The following PARG variants were observed in gnomAD, a reference collection of about 807,000 sequenced individuals.
PARG encodes poly(ADP-ribose) glycohydrolase.
Under a neutral mutation model 113.0 loss-of-function variants are expected in PARG, and 35 were observed. The observed-to-expected ratio is 0.31, with a 90% CI of 0.24 to 0.41. The LOEUF (loss-of-function observed/expected upper bound fraction) is 0.41. Among genes scored for constraint, PARG ranks in the 10% least tolerant of loss-of-function variants. The pLI, the probability that PARG is intolerant of heterozygous loss-of-function variation, is 1.00. For synonymous variants in PARG, 330 were observed against 409.9 expected (o/e 0.81, Z 2.36); for missense variants, 797 against 1,169.4 (o/e 0.68, Z 4.64).
intron 7 of PARG, among the ~76,000 whole-genome samples, chr10:49,893,929 A>C (rs1554842142): frequency 6.6e-6 from 1 of 151,828 alleles, no homozygotes; most frequent in East Asian, 1.9e-4. Context: ...TGATCTCCTG[A>C]CCTCGTGATC....
chr10:49,887,615 T>A lies in PARG; in HGVS notation c.1738-2320A>T, dbSNP rs569007472. Among the ~76,000 whole-genome samples, 3 of 152,312 alleles carry A rather than the reference T, an allele frequency of 2.0e-5. No individual in the cohort carries two copies. In the East Asian group the frequency reaches 5.8e-4, roughly 29 times the overall value. ...AAAGGCATTCAAGTTATTGCAAGTA[T>A]CAATAGTTCACTCCTCCTCATTACT... On this transcript the variant is annotated intron_variant, in intron 7 of 17. Transcript: ENST00000616448.
chr10:49,907,475 T>C (rs1836919080), intron 7 of PARG, among the ~76,000 whole-genome samples: 1 of 152,178 alleles, frequency 6.6e-6, no homozygotes. Flanking sequence ...TAGTCTTTGA[T>C]GAGCAAGTTT....
At chr10:49,862,462 G>T (rs1846300413) in intron 11 of PARG, among the ~76,000 whole-genome samples, 1 of 151,980 alleles carries the variant, frequency 6.6e-6, no homozygotes, top group African/African-American at 2.4e-5. Context: ...AGTCTAGGAG[G>T]TTAGCTGGAA....
intron 15 of PARG, among the ~76,000 whole-genome samples, chr10:49,840,462 C>T (rs1420552592): frequency 6.6e-6 from 1 of 151,010 alleles, no homozygotes; most frequent in African/African-American, 2.4e-5. Context: ...CTTTCAGAGT[C>T]AGGTAGGAGA....
At chr10:49,912,424 G>A (rs1443669844) in intron 7 of PARG, among the ~76,000 whole-genome samples, 1 of 152,132 alleles carries the variant, frequency 6.6e-6, no homozygotes, top group East Asian at 1.9e-4. Flanking sequence ...CAGCACTTTG[G>A]GAGGCCGAGG....
At chr10:49,887,966 A>G (rs1300774480) in intron 7 of PARG, among the ~76,000 whole-genome samples, 14 of 151,890 alleles carry the variant, frequency 9.2e-5, no homozygotes, top group Non-Finnish European at 1.9e-4. Context: ...CTTCCTCCTT[A>G]TGGGTTACTT....
intron 13 of PARG, among the ~76,000 whole-genome samples, chr10:49,847,346 G>C (rs1171420371): frequency 1.3e-5 from 2 of 151,522 alleles, no homozygotes; most frequent in Non-Finnish European, 2.9e-5. Flanking sequence ...GGAGGAACCT[G>C]GTCAACCCAA....
chr10:49,845,624 C>T (rs1554833181), intron 13 of PARG, among the ~76,000 whole-genome samples: 1 of 152,090 alleles, frequency 6.6e-6, no homozygotes, highest in Non-Finnish European at 1.5e-5. Context: ...TGGCTAAGCA[C>T]AGTGGCTCAT....
chr10:49,843,497 C>A, intron 14 of PARG, 57 bp downstream of exon 14: 1 of 1,098,822 alleles, frequency 9.1e-7, no homozygotes, highest in South Asian at 1.3e-5. Context: ...GTGTGAGGGT[C>A]AAGCCCAAAT....
At chr10:49,917,248 T>C (rs1242081270) in intron 6 of PARG, among the ~76,000 whole-genome samples, 1 of 152,024 alleles carries the variant, frequency 6.6e-6, no homozygotes, top group Admixed American at 6.6e-5. Flanking sequence ...CCCAGCACTT[T>C]GGGAGGTTGA....
intron 13 of PARG, among the ~76,000 whole-genome samples, chr10:49,846,667 T>C (rs1845525286): frequency 1.3e-5 from 2 of 151,964 alleles, no homozygotes; most frequent in African/African-American, 2.4e-5. Flanking sequence ...GTTCCAATTA[T>C]GGAAAGGGGG....
chr10:49,835,835 G>A (rs1338423914), intron 15 of PARG, among the ~76,000 whole-genome samples: 1 of 152,056 alleles, frequency 6.6e-6, no homozygotes, highest in African/African-American at 2.4e-5. Flanking sequence ...TAGTGATGTT[G>A]CAGTCAACAA....
chr10:49,820,088 C>G (rs772295166), intron 17 of PARG, 77 bp downstream of exon 17: 16 of 1,010,974 alleles, frequency 1.6e-5, no homozygotes, highest in Non-Finnish European at 2.2e-5. Context: ...TGTGATTCAT[C>G]CAGATTTAGC....
chr10:49,828,029 A>G (rs1308582701), intron 16 of PARG, among the ~76,000 whole-genome samples: 1 of 142,618 alleles, frequency 7.0e-6, no homozygotes, highest in Non-Finnish European at 1.5e-5. Context: ...GTCTGGTGGT[A>G]CATTTGAGGC....
At chr10:49,856,443 G>A (rs1307240792) in intron 13 of PARG, among the ~76,000 whole-genome samples, 1 of 152,122 alleles carries the variant, frequency 6.6e-6, no homozygotes, top group African/African-American at 2.4e-5. Flanking sequence ...GCCTCCCAAA[G>A]CGCTAGGATT....
chr10:49,838,721 G>GA (rs200387315), intron 15 of PARG, among the ~76,000 whole-genome samples: 37 of 149,516 alleles, frequency 2.5e-4, no homozygotes, highest in African/African-American at 3.4e-4. Context: ...TGTATAATTT[G>GA]AAAAAAAAAC....
chr10:49,911,779 T>A (rs782113082), intron 7 of PARG, among the ~76,000 whole-genome samples: 27 of 152,198 alleles, frequency 1.8e-4, no homozygotes, highest in Non-Finnish European at 3.5e-4. Context: ...TACAGTACCA[T>A]GGATTCACAA....
chr10:49,857,348 A>T lies in PARG; in HGVS notation c.2311T>A (p.Phe771Ile), dbSNP rs1554835233. 5 of 1,247,410 alleles carry T rather than the reference A, an allele frequency of 4.0e-6. No individual in the cohort carries two copies. The highest frequency in any genetic ancestry group is 5.8e-6 in the Non-Finnish European group (5 of 862,300). The allele number at this position is 1,247,410 out of a possible 1,614,324, so 77.3% of individuals were successfully genotyped here. Residue 771 changes from phenylalanine (F) to isoleucine (I), a missense_variant, in exon 13 of 18, where the codon TTC (phenylalanine) becomes ATC (isoleucine). Around this residue, in one of 5 missense-constraint regions of PARG, gnomAD observed 40 missense variants for 124.5 expected, o/e 0.32. Transcript: ENST00000616448. ...INPELIISRL[F>I]TEVLDHNECL... ...TCATTGTGATCCAGCACCTCAGTGA[A>T]GAGCCGTGAAATAATCAACTCAGGA...
At chr10:49,820,619 G>A (rs1350658874) in intron 16 of PARG, among the ~76,000 whole-genome samples, 2 of 151,886 alleles carry the variant, frequency 1.3e-5, no homozygotes, top group Non-Finnish European at 2.9e-5. Flanking sequence ...CTACTCGGGA[G>A]GCTGAAGCAG....
Sources: allele counts gnomAD v4.1 joint callset (sites outside exome capture counted in the v4.1 genomes callset), GRCh38; gene constraint gnomAD v4.1.1; regional missense constraint gnomAD v4.1.1; transcripts MANE v1.5; gene names NCBI Gene and HGNC (gene_info 2026-07-23, HGNC 2026-07-21).